The following ERMARD variants were observed in gnomAD, a reference collection of about 807,000 sequenced individuals.
The protein encoded by ERMARD is ER membrane associated RNA degradation.
ERMARD carries 71 observed loss-of-function variants against 83.9 expected under a neutral mutation model. The ratio of observed to expected loss-of-function variants is 0.85; its 90% CI spans 0.70 to 1.03. The LOEUF (loss-of-function observed/expected upper bound fraction) is 1.03, where lower values mean the gene tolerates loss of function less well. Among genes scored for constraint, ERMARD ranks in the 50% least tolerant of loss-of-function variants. The pLI, the probability that ERMARD is intolerant of heterozygous loss-of-function variation, is 0.00. For synonymous variants in ERMARD, 284 were observed against 298.6 expected (o/e 0.95, Z 0.50); for missense variants, 838 against 810.9 (o/e 1.03, Z -0.41).
At position 169,759,861 on chromosome 6, in the gene ERMARD, T is replaced by C; in HGVS notation, c.629T>C (p.Leu210Ser). The C allele has an allele frequency of 6.2e-7, 1 of 1,614,262 alleles. No homozygotes were observed. Among genetic ancestry groups the C allele is most frequent in the Non-Finnish European group, 8.5e-7 (1 of 1,180,040 alleles). ...AGATACTGTTCAATGATGATACTGT[T>C]GACGGCAGGATTGGGTCAGTTACTG... ...PPKYCSMMIL[L>S]TAGLGQLLKS... The change falls in exon 7 of 18, where the codon TTG becomes TCG. Residue 210 changes from leucine (L) to serine (S), a missense_variant. Coordinates refer to ENST00000366773, the MANE Select transcript of ERMARD (RefSeq NM_018341.3).
In ERMARD at chr6:169,779,214, T is replaced by C. The variant is rs1387581869; in HGVS notation, c.1772T>C (p.Ile591Thr). 1 of 1,614,268 alleles carries C rather than the reference T, an allele frequency of 6.2e-7. No individual in the cohort carries two copies. ...IRLLSPVLSL[I>T]LLLIALELVN... The stretch of plus-strand genomic sequence containing the variant: ...CTACTGTCCCCTGTGCTCAGCCTGA[T>C]ACTGTTACTCATTGCGCTGGAGTTG... Residue 591 changes from isoleucine to threonine, a missense_variant, in exon 17 of 18, where the codon ATA (isoleucine) becomes ACA (threonine). By Grantham distance (89) the Ile-to-Thr change is moderately conservative (BLOSUM62 -1). Transcript: ENST00000366773.
chr6:169,751,481 C>CCACCGCCTCCCCTT, upstream of ERMARD: 1 of 1,612,376 alleles, frequency 6.2e-7, no homozygotes. Flanking sequence ...TCCAAGACGC[C>CCACCGCCTCCCCTT]CACCGCCTCC....
chr6:169,776,635 G>T lies in ERMARD; in HGVS notation c.1701G>T (p.Arg567=). 6.2e-7 allele frequency: 1 copy of T among 1,614,150 alleles called. No homozygotes were observed. The highest frequency in any genetic ancestry group is 1.1e-5 in the South Asian group (1 of 91,076). ...RHRQWVERTL[R]SRQRQNYLRM... is the part of the protein sequence containing the mutation. ...GGCAGTGGGTGGAAAGGACGCTGCG[G>T]TCTCGCCAGCGGCAGAACTACCTGC... The change falls in exon 16 of 18, where the codon CGG becomes CGT. Residue 567 remains arginine, a synonymous_variant. Coordinates refer to ENST00000366773, the MANE Select transcript of ERMARD (RefSeq NM_018341.3).
In ERMARD at chr6:169,761,070, C is replaced by T. The variant is rs1585363091; in HGVS notation, c.857+314C>T. On this transcript the variant is annotated intron_variant, in intron 8 of 17. Coordinates refer to ENST00000366773, the MANE Select transcript of ERMARD (RefSeq NM_018341.3). The stretch of plus-strand genomic sequence containing the variant: ...CATAGATAAGCCAGCTTCGTCCTTA[C>T]ATTCTGTTTCTGTTTCCTGAGGAGC... Among the ~76,000 whole-genome samples the T allele has an allele frequency of 4.6e-5, 7 of 152,312 alleles. No homozygotes were observed. In the South Asian group the frequency reaches 1.2e-3, roughly 27 times the overall value.
chr6:169,773,902 A>T (rs527636586), intron 13 of ERMARD, among the ~76,000 whole-genome samples: 2 of 152,230 alleles, frequency 1.3e-5, no homozygotes, highest in Non-Finnish European at 2.9e-5. Context: ...GTGCAAGGGG[A>T]TGAAAGAGAC....
chr6:169,753,450 AT>A (rs1350056117), intron 1 of ERMARD: 1 of 154,700 alleles, frequency 6.5e-6, no homozygotes, highest in Non-Finnish European at 1.5e-5. Flanking sequence ...AAAATTGCTT[AT>A]TTTGATAACT....
At position 169,779,110 on chromosome 6, in the gene ERMARD, C is replaced by T. The variant is rs1793916207; in HGVS notation, c.1740-72C>T. ...ACTTAAGGATGTTGATTAGGTGAAACATCTTTTTCCTGATGAAGGTGGAAA... is the reference window on the plus strand; with the variant it reads ...ACTTAAGGATGTTGATTAGGTGAAATATCTTTTTCCTGATGAAGGTGGAAA... On this transcript the variant is annotated intron_variant, in intron 16 of 17. Coordinates refer to ENST00000366773, the MANE Select transcript of ERMARD (RefSeq NM_018341.3). 2.3e-6 allele frequency: 3 copies of T among 1,304,442 alleles called. No homozygotes were observed. In the Admixed American group the frequency reaches 5.2e-5, roughly 23 times the overall value. The allele number at this position is 1,304,442 out of a possible 1,614,324, so 80.8% of individuals were successfully genotyped here. A position where few individuals can be genotyped will look rare whatever the true frequency, so the allele number is the denominator to read the frequency against.
rs778696894 is a variant in ERMARD at position 169,760,772 on chromosome 6, A to G, written c.857+16A>G. 9.6e-6 allele frequency: 15 copies of G among 1,570,168 alleles called. No individual in the cohort carries two copies. The South Asian group carries it at 1.1e-4, about 12-fold the overall frequency. On this transcript the variant is annotated intron_variant, in intron 8 of 17. Transcript: ENST00000366773. The stretch of plus-strand genomic sequence containing the variant: ...AGTCACACAGGTAACTAAAGGGTAC[A>G]TGGCAGAGTGGTTTGCAGTGGTTGG...
intron 14 of ERMARD, 29 bp downstream of exon 14, chr6:169,775,375 C>T (rs1353263414): frequency 5.6e-6 from 9 of 1,610,646 alleles, no homozygotes; most frequent in Non-Finnish European, 7.6e-6. Context: ...CCTGGCTGAC[C>T]TCAAGCTTGT....
rs765375952 is a variant in ERMARD at position 169,768,208 on chromosome 6, A to G, written c.1059+37A>G. On this transcript the variant is annotated intron_variant, in intron 11 of 17. Coordinates refer to ENST00000366773, the MANE Select transcript of ERMARD (RefSeq NM_018341.3). ...GTATTTTCCAGGCTAATATTCTTGTATTTATGGATGTCGTCAGCACTTCTC... is the reference window on the plus strand; with the variant it reads ...GTATTTTCCAGGCTAATATTCTTGTGTTTATGGATGTCGTCAGCACTTCTC... The G allele has an allele frequency of 3.8e-6, 6 of 1,564,666 alleles. No homozygotes were observed. In the South Asian group the frequency reaches 4.5e-5, roughly 12 times the overall value.
At chr6:169,753,028 T>A (rs1025635662) in intron 1 of ERMARD, 9 of 152,344 alleles carry the variant, frequency 5.9e-5, no homozygotes, top group Middle Eastern at 3.4e-3. Flanking sequence ...GTATACCATC[T>A]TCAACAAAGA....
intron 10 of ERMARD, 74 bp from the exon 11 acceptor site, chr6:169,768,029 C>T: frequency 8.3e-7 from 1 of 1,200,188 alleles, no homozygotes; most frequent in Middle Eastern, 1.9e-4. Context: ...AGTACTATAT[C>T]CATCAACTCT....
At position 169,753,991 on chromosome 6, in the gene ERMARD, G is replaced by T; in HGVS notation, c.134G>T (p.Cys45Phe). 1 of 1,613,332 alleles carries T rather than the reference G, an allele frequency of 6.2e-7. No individual in the cohort carries two copies. The highest frequency in any genetic ancestry group is 8.5e-7 in the Non-Finnish European group (1 of 1,179,486). The change falls in exon 2 of 18, where the codon TGC becomes TTC. Residue 45 changes from cysteine (C) to phenylalanine (F), a missense_variant. Cys to Phe is a radical substitution (Grantham distance 205, BLOSUM62 -2). Coordinates refer to ENST00000366773, the MANE Select transcript of ERMARD (RefSeq NM_018341.3). ...ATTGTAACTCAGAATGGTGAAGTATGCTGGAAAACAATCACAGACTGTGTG... is the reference window on the plus strand; with the variant it reads ...ATTGTAACTCAGAATGGTGAAGTATTCTGGAAAACAATCACAGACTGTGTG... ...NSIVTQNGEVCWKTITDCVSY... is the reference protein window; with the variant it reads ...NSIVTQNGEVFWKTITDCVSY...
At chr6:169,759,150 G>T in intron 6 of ERMARD, 85 bp downstream of exon 6, 1 of 1,209,026 alleles carries the variant, frequency 8.3e-7, no homozygotes, top group Non-Finnish European at 1.2e-6. Context: ...GAAGGAAATA[G>T]ATTTTGTGAA....
At chr6:169,766,045 A>G (rs916876099) in intron 9 of ERMARD, among the ~76,000 whole-genome samples, 1 of 151,502 alleles carries the variant, frequency 6.6e-6, no homozygotes, top group Non-Finnish European at 1.5e-5. Context: ...CTGTCTGTCA[A>G]ATCTCACTGA....
At chr6:169,766,857 T>C (rs1416629885) in intron 10 of ERMARD, among the ~76,000 whole-genome samples, 190 bp downstream of exon 10, 1 of 152,192 alleles carries the variant, frequency 6.6e-6, no homozygotes, top group Non-Finnish European at 1.5e-5. Context: ...GTGTTACCAA[T>C]CTAGCTCCCA....
intron 6 of ERMARD, among the ~76,000 whole-genome samples, chr6:169,759,466 C>CTGGA (rs1197773094): frequency 6.6e-6 from 1 of 152,066 alleles, no homozygotes; most frequent in Non-Finnish European, 1.5e-5. Flanking sequence ...GTCACCCACG[C>CTGGA]TGGAGTGCCA....
intron 8 of ERMARD, among the ~76,000 whole-genome samples, chr6:169,761,401 G>A (rs1791535042): frequency 6.6e-6 from 1 of 151,978 alleles, no homozygotes; most frequent in South Asian, 2.1e-4. Flanking sequence ...ACTTTTTCTA[G>A]AGATGAGGTC....
At chr6:169,776,731 T>C in intron 16 of ERMARD, 58 bp downstream of exon 16, 1 of 1,586,142 alleles carries the variant, frequency 6.3e-7, no homozygotes, top group South Asian at 1.1e-5. Flanking sequence ...TTGTCACAGA[T>C]GCAGTTCTAG....
Sources: gnomAD v4.1 joint callset for allele counts (sites outside exome capture counted in the v4.1 genomes callset) on GRCh38, gnomAD v4.1.1 for gene constraint, MANE v1.5 for transcripts, NCBI Gene and HGNC (gene_info 2026-07-23, HGNC 2026-07-21) for gene names.